PDE8A: variants seen among roughly 807,000 people sequenced by gnomAD.
The protein encoded by PDE8A is high affinity cAMP-specific and IBMX-insensitive 3',5'-cyclic phosphodiesterase 8A.
In PDE8A, 59 loss-of-function variants were observed where a neutral mutation model predicts 105.0. The observed-to-expected ratio is 0.56, with a 90% confidence interval of 0.46 to 0.70. PDE8A has a LOEUF of 0.70. Ranked by LOEUF, PDE8A falls within the 30% of genes least tolerant of loss-of-function variation. The probability of loss-of-function intolerance (pLI) is 0.00; values close to 1 mark genes in which losing one functional copy is unlikely to be tolerated. For missense variants in PDE8A, 1,014 were observed against 1,045.9 expected, an observed-to-expected ratio of 0.97 and a Z score of 0.42; for synonymous variants, 355 against 371.9, an observed-to-expected ratio of 0.95 and a Z score of 0.52.
chr15:84,995,111 A>G (rs1364122292), intron 1 of PDE8A, among the ~76,000 whole-genome samples: 2 of 152,172 alleles, frequency 1.3e-5, no homozygotes, highest in African/African-American at 4.8e-5. Context: ...TTTAGTGTAT[A>G]TTTGCTGAGT....
chr15:85,057,721 A>G (rs2081084664), intron 1 of PDE8A, among the ~76,000 whole-genome samples: 5 of 152,004 alleles, frequency 3.3e-5, no homozygotes, highest in Admixed American at 2.6e-4. Context: ...TTCTATTTCT[A>G]TTTTGTTGAG....
chr15:85,076,149 G>C (rs866338059), intron 4 of PDE8A, among the ~76,000 whole-genome samples: 2 of 152,090 alleles, frequency 1.3e-5, no homozygotes, highest in Non-Finnish European at 2.9e-5. Flanking sequence ...TTAGAAACAG[G>C]CGAACTATGA....
At position 85,117,675 on chromosome 15, in the gene PDE8A, C is replaced by A; in HGVS notation, c.1570C>A (p.Arg524Ser). ...TTATCTTGGTCTCAAAATGTTTGCT[C>A]GCTTTGGAATCTGTGAATTCTTACA... ...LIYLGLKMFA[R>S]FGICEFLHCS... The change falls in exon 17 of 22, where the codon CGC (arginine) becomes AGC (serine). Residue 524 changes from arginine (R) to serine (S), a missense_variant. Coordinates refer to ENST00000394553, the MANE Select transcript of PDE8A (RefSeq NM_002605.3). 1 of 1,614,072 alleles carries A rather than the reference C, an allele frequency of 6.2e-7. No individual in the cohort carries two copies. Among genetic ancestry groups the A allele is most frequent in the South Asian group, 1.1e-5 (1 of 91,072 alleles).
chr15:84,982,365 A>C lies in PDE8A; in HGVS notation c.186+17A>C, dbSNP rs947434934. On this transcript the variant is annotated intron_variant, in intron 1 of 21. Transcript: ENST00000394553. Reference sequence around the variant, plus strand: ...GGCAAGAAGGTAAGGGGCGCCGGGCACTCTGGGGCCGCCGCGAAACTCGGG... The same window carrying C: ...GGCAAGAAGGTAAGGGGCGCCGGGCCCTCTGGGGCCGCCGCGAAACTCGGG... 4 of 1,293,076 alleles carry C rather than the reference A, an allele frequency of 3.1e-6. No homozygotes were observed. In the Admixed American group the frequency reaches 1.6e-4, roughly 53 times the overall value. 80.1% of individuals were successfully genotyped at this position (1,293,076 alleles called of 1,614,324 possible).
At chr15:85,053,841 C>T (rs1302158114) in intron 1 of PDE8A, among the ~76,000 whole-genome samples, 2 of 152,264 alleles carry the variant, frequency 1.3e-5, no homozygotes, top group Non-Finnish European at 2.9e-5. Context: ...CTGGCCAGAA[C>T]TTCCAACACT....
intron 20 of PDE8A, among the ~76,000 whole-genome samples, chr15:85,129,373 C>T (rs779397345): frequency 3.3e-5 from 5 of 152,218 alleles, no homozygotes; most frequent in Admixed American, 2.6e-4. Flanking sequence ...TGAAACCATC[C>T]TTTCTTGGGA....
intron 1 of PDE8A, among the ~76,000 whole-genome samples, chr15:85,046,546 T>C (rs570432069): frequency 6.6e-6 from 1 of 152,334 alleles, no homozygotes; most frequent in South Asian, 2.1e-4. Context: ...AGACACTGTT[T>C]TGGGTGTTGG....
intron 1 of PDE8A, among the ~76,000 whole-genome samples, chr15:85,025,702 G>A (rs754874588): frequency 8.5e-5 from 13 of 152,184 alleles, no homozygotes; most frequent in Non-Finnish European, 1.8e-4. Flanking sequence ...GTGTTGAAGT[G>A]GATAGAGGTA....
intron 8 of PDE8A, among the ~76,000 whole-genome samples, chr15:85,092,920 C>CTTTTTTTTTTTTTTT (rs5814181): frequency 1.5e-5 from 2 of 132,052 alleles, no homozygotes; most frequent in Non-Finnish European, 1.6e-5. Flanking sequence ...TACTGCTTTC[C>CTTTTTTTTTTTTTTT]TTTTTTTTTT....
At chr15:85,109,190 C>T (rs2081986940) in intron 12 of PDE8A, 60 bp downstream of exon 12, 4 of 1,159,518 alleles carry the variant, frequency 3.4e-6, no homozygotes, top group African/African-American at 3.0e-5. Flanking sequence ...ACATGGAGCC[C>T]TGCCCTGCCT....
chr15:85,065,933 A>G lies in PDE8A; in HGVS notation c.244-1081A>G, dbSNP rs775582004. On this transcript the variant is annotated intron_variant, in intron 2 of 21. Transcript: ENST00000394553. ...TGTCCTGGGCAGAGGCACAGATGCT[A>G]CCTCTTGCACCTGGTGACTGTGTCA... is the stretch of plus-strand genomic sequence containing the variant. Among the ~76,000 whole-genome samples, 90 of 152,178 alleles carry G rather than the reference A, an allele frequency of 5.9e-4. 1 individual carries two copies. The highest frequency in any genetic ancestry group is 4.6e-4 in the Admixed American group (7 of 15,276).
In PDE8A at chr15:85,126,348, C is replaced by T. The variant is rs761340368; in HGVS notation, c.2227C>T (p.Arg743Cys). The T allele has an allele frequency of 4.4e-6, 7 of 1,590,394 alleles. No homozygotes were observed. Among genetic ancestry groups the T allele is most frequent in the Admixed American group, 3.4e-5 (2 of 58,600 alleles). ...GCAGTACTGCATCGAGTGGGCTGCA[C>T]GCATTTCGGAAGAATATTTTTCTCA... The part of the protein sequence containing the change: ...PLQYCIEWAA[R>C]ISEEYFSQTD... The change falls in exon 20 of 22, where the codon CGC becomes TGC. Residue 743 changes from arginine to cysteine, a missense_variant. Coordinates refer to ENST00000394553, the MANE Select transcript of PDE8A (RefSeq NM_002605.3).
At chr15:85,074,230 C>T (rs1328923065) in intron 3 of PDE8A, among the ~76,000 whole-genome samples, 1 of 152,160 alleles carries the variant, frequency 6.6e-6, no homozygotes, top group African/African-American at 2.4e-5. Context: ...AGCCCGAATC[C>T]CTACAGGCAA....
intron 3 of PDE8A, among the ~76,000 whole-genome samples, chr15:85,072,675 G>A (rs1030786286): frequency 6.6e-5 from 10 of 151,222 alleles, no homozygotes; most frequent in Admixed American, 4.6e-4. Context: ...TGATCCTGCA[G>A]AGTCCATGGC....
chr15:85,116,058 A>G lies in PDE8A; in HGVS notation c.1474A>G (p.Met492Val), dbSNP rs1167674147. The G allele has an allele frequency of 1.9e-6, 3 of 1,613,902 alleles. No individual in the cohort carries two copies. Among genetic ancestry groups the G allele is most frequent in the Non-Finnish European group, 2.5e-6 (3 of 1,179,864 alleles). Residue 492 changes from methionine to valine, a missense_variant, in exon 16 of 22, where the codon ATG (methionine) becomes GTG (valine). Coordinates refer to ENST00000394553, the MANE Select transcript of PDE8A (RefSeq NM_002605.3). Reference sequence around the variant, plus strand: ...TGTCCCACCACGGATAGCTCGGGCCATGGAAAATGAGGAATACTGGGACTT... The same window carrying G: ...TGTCCCACCACGGATAGCTCGGGCCGTGGAAAATGAGGAATACTGGGACTT... Reference protein sequence around the residue: ...DDVPPRIARAMENEEYWDFDI... With the variant: ...DDVPPRIARAVENEEYWDFDI...
chr15:85,124,579 C>T (rs558487852), intron 19 of PDE8A, among the ~76,000 whole-genome samples: 4 of 152,312 alleles, frequency 2.6e-5, no homozygotes, highest in African/African-American at 9.6e-5. Context: ...TGGCCTTTGT[C>T]TGCCCCCTGG....
intron 5 of PDE8A, among the ~76,000 whole-genome samples, chr15:85,082,737 A>C (rs554647601): frequency 1.3e-4 from 20 of 152,286 alleles, no homozygotes; most frequent in African/African-American, 4.8e-4. Flanking sequence ...GTGCAGGTAA[A>C]AAGCAAGGAG....
chr15:84,998,481 G>A (rs1311606344), intron 1 of PDE8A, among the ~76,000 whole-genome samples: 1 of 152,228 alleles, frequency 6.6e-6, no homozygotes, highest in Admixed American at 6.5e-5. Flanking sequence ...GATGTCATTA[G>A]AGGAGTTGCT....
At chr15:85,042,758 C>T (rs1045401353) in intron 1 of PDE8A, among the ~76,000 whole-genome samples, 3 of 152,084 alleles carry the variant, frequency 2.0e-5, no homozygotes, top group Non-Finnish European at 4.4e-5. Context: ...AACTGTGTGG[C>T]GGGTACTGCA....
Sources: gnomAD v4.1 joint callset for allele counts (sites outside exome capture counted in the v4.1 genomes callset) on GRCh38, gnomAD v4.1.1 for gene constraint, MANE v1.5 for transcripts, NCBI Gene and HGNC (gene_info 2026-07-23, HGNC 2026-07-21) for gene names.